Variants in SYT1 observed in about 807,000 individuals in gnomAD.
SYT1 encodes the protein synaptotagmin 1, also known as synaptotagmin-1.
A neutral mutation model predicts 44.8 loss-of-function variants in SYT1; 8 were observed. That is an observed-to-expected ratio of 0.18 (90% confidence interval 0.10 to 0.32). SYT1 has a LOEUF of 0.32. Among genes scored for constraint, SYT1 ranks in the 10% least tolerant of loss-of-function variants. The pLI is 1.00. For missense variants in SYT1, 286 were observed against 509.3 expected, an observed-to-expected ratio of 0.56 and a Z score of 4.22; for synonymous variants, 154 against 188.8, an observed-to-expected ratio of 0.82 and a Z score of 1.51.
At chr12:79,199,653 A>C (rs1258192950) in intron 3 of SYT1, among the ~76,000 whole-genome samples, 1 of 152,210 alleles carries the variant, frequency 6.6e-6, no homozygotes. Flanking sequence ...AATCACGAGC[A>C]AATTCACCTA....
At chr12:79,229,828 C>T (rs1054336232) in intron 4 of SYT1, among the ~76,000 whole-genome samples, 2 of 152,044 alleles carry the variant, frequency 1.3e-5, no homozygotes, top group Non-Finnish European at 1.5e-5. Context: ...CTCCTGACCT[C>T]GGGTGATCCA....
At chr12:79,124,786 C>A (rs1217537409) in intron 3 of SYT1, among the ~76,000 whole-genome samples, 1 of 151,988 alleles carries the variant, frequency 6.6e-6, no homozygotes, top group Non-Finnish European at 1.5e-5. Context: ...GGTAACTAGA[C>A]AATTGTATCT....
chr12:79,406,453 TGAACCTTAACTTAGCCCAAAA>T (rs1885246849), intron 9 of SYT1, among the ~76,000 whole-genome samples: 1 of 152,158 alleles, frequency 6.6e-6, no homozygotes, highest in South Asian at 2.1e-4. Flanking sequence ...GCAGCAGAAA[TGAACCTTAACTTAGCCCAAAA>T]GGGTTTGAAG....
At chr12:79,281,633 C>T (rs529387726) in intron 4 of SYT1, among the ~76,000 whole-genome samples, 1 of 152,232 alleles carries the variant, frequency 6.6e-6, no homozygotes, top group South Asian at 2.1e-4. Context: ...CTATACAATT[C>T]ATCCATTTAA....
chr12:79,302,375 T>G (rs766106113), intron 8 of SYT1, among the ~76,000 whole-genome samples: 4 of 152,128 alleles, frequency 2.6e-5, no homozygotes, highest in African/African-American at 9.7e-5. Context: ...CTCTGTGATG[T>G]TAATTAAATG....
intron 3 of SYT1, among the ~76,000 whole-genome samples, chr12:79,150,027 A>G (rs1870168794): frequency 6.6e-6 from 1 of 152,156 alleles, no homozygotes; most frequent in South Asian, 2.1e-4. Context: ...TTTATTTTTA[A>G]TTTATAAATA....
intron 4 of SYT1, among the ~76,000 whole-genome samples, chr12:79,276,022 A>G (rs1592922149): frequency 6.6e-6 from 1 of 152,338 alleles, no homozygotes. Context: ...AAGCTAGTCA[A>G]TCATAAACTA....
chr12:79,162,124 A>T (rs1870985691), intron 3 of SYT1, among the ~76,000 whole-genome samples: 1 of 152,162 alleles, frequency 6.6e-6, no homozygotes, highest in Non-Finnish European at 1.5e-5. Context: ...TGTTAAGAGC[A>T]CCAGATACTT....
intron 3 of SYT1, among the ~76,000 whole-genome samples, chr12:79,163,798 A>G (rs1480722616): frequency 6.6e-6 from 1 of 152,114 alleles, no homozygotes; most frequent in Non-Finnish European, 1.5e-5. Flanking sequence ...CAAACCCTAA[A>G]GCAGAGTTCC....
chr12:79,359,349 CCTT>C (rs1462681322), intron 9 of SYT1, among the ~76,000 whole-genome samples: 3 of 152,094 alleles, frequency 2.0e-5, no homozygotes, highest in Non-Finnish European at 4.4e-5. Context: ...AAAGTGCTCT[CCTT>C]CATCATTTTT....
At chr12:79,337,992 T>C (rs1366404106) in intron 8 of SYT1, among the ~76,000 whole-genome samples, 1 of 152,180 alleles carries the variant, frequency 6.6e-6, no homozygotes, top group Non-Finnish European at 1.5e-5. Context: ...ACCGAGGACA[T>C]GTGGTTGACA....
chr12:79,182,586 A>T (rs1437469487), intron 3 of SYT1, among the ~76,000 whole-genome samples: 1 of 152,072 alleles, frequency 6.6e-6, no homozygotes, highest in African/African-American at 2.4e-5. Context: ...GGTCCAGATG[A>T]TATGCGTATA....
At chr12:78,963,829 C>A (rs1256595708) in intron 1 of SYT1, among the ~76,000 whole-genome samples, 1 of 152,038 alleles carries the variant, frequency 6.6e-6, no homozygotes, top group South Asian at 2.1e-4. Context: ...GGGATTTGGT[C>A]AAAAGAATTA....
At chr12:79,352,252 C>T (rs892865563) in intron 8 of SYT1, among the ~76,000 whole-genome samples, 5 of 151,826 alleles carry the variant, frequency 3.3e-5, no homozygotes, top group Admixed American at 1.3e-4. Flanking sequence ...CATCTAGGCA[C>T]CTATTTCCAC....
At chr12:78,965,831 C>T (rs1300607808) in intron 1 of SYT1, among the ~76,000 whole-genome samples, 1 of 152,078 alleles carries the variant, frequency 6.6e-6, no homozygotes, top group Non-Finnish European at 1.5e-5. Flanking sequence ...GTAATCCCAG[C>T]ACTTTGGGAG....
At chr12:79,089,812 C>G (rs993626979) in intron 3 of SYT1, among the ~76,000 whole-genome samples, 1 of 151,984 alleles carries the variant, frequency 6.6e-6, no homozygotes, top group Non-Finnish European at 1.5e-5. Context: ...CAAATTGAAC[C>G]CTGGTCTATT....
chr12:79,041,444 AG>A (rs1873564983), intron 2 of SYT1, among the ~76,000 whole-genome samples: 1 of 149,098 alleles, frequency 6.7e-6, no homozygotes, highest in Admixed American at 6.7e-5. Flanking sequence ...TTGGTGTATA[AG>A]AATGCTTGTG....
At position 79,208,340 on chromosome 12, in the gene SYT1, A is replaced by G. The variant is rs79292256; in HGVS notation, c.-17-9163A>G. On this transcript the variant is annotated intron_variant, in intron 3 of 10. Coordinates refer to ENST00000261205, the MANE Select transcript of SYT1 (RefSeq NM_005639.3). ...GTGTGAATTGATGTCTTATTCTCCT[A>G]TTCTCCAACTGCACACAAAGCATAA... Among the ~76,000 whole-genome samples, 1,198 of 152,272 alleles carry G rather than the reference A, an allele frequency of 7.9e-3. 11 individuals are homozygous for G. The highest frequency in any genetic ancestry group is 0.044 in the Middle Eastern group (13 of 294).
At chr12:79,008,554 A>AG (rs1231240734) in intron 2 of SYT1, among the ~76,000 whole-genome samples, 7 of 152,144 alleles carry the variant, frequency 4.6e-5, no homozygotes, top group Admixed American at 1.3e-4. Flanking sequence ...GAATAATGGA[A>AG]GTGATTTAGA....
Sources: allele counts gnomAD v4.1 joint callset (sites outside exome capture counted in the v4.1 genomes callset), GRCh38; gene constraint gnomAD v4.1.1; transcripts MANE v1.5; gene names NCBI Gene and HGNC (gene_info 2026-07-23, HGNC 2026-07-21).